The following AUTS2 variants were observed in gnomAD, a reference collection of about 807,000 sequenced individuals.
AUTS2 encodes autism susceptibility gene 2 protein.
A neutral mutation model predicts 112.4 loss-of-function variants in AUTS2; 17 were observed. The observed-to-expected ratio is 0.15, with a 90% CI of 0.10 to 0.23. The LOEUF (loss-of-function observed/expected upper bound fraction) is 0.23. Among genes scored for constraint, AUTS2 ranks in the 10% least tolerant of loss-of-function variants. The probability of loss-of-function intolerance (pLI) is 1.00; values close to 1 mark genes in which losing one functional copy is unlikely to be tolerated. For synonymous variants in AUTS2, 751 were observed against 702.7 expected (o/e 1.07, Z -1.09); for missense variants, 1,510 against 1,701.6 (o/e 0.89, Z 1.98).
intron 2 of AUTS2, among the ~76,000 whole-genome samples, chr7:69,943,605 TATTTTC>T (rs1796705277): frequency 1.3e-5 from 2 of 152,220 alleles, no homozygotes; most frequent in African/African-American, 4.8e-5. Context: ...ATCAGGGAGA[TATTTTC>T]AGTGAATTTG....
At position 70,790,821 on chromosome 7, in the gene AUTS2, G is replaced by A. The variant is rs1186794209; in HGVS notation, c.3605G>A (p.Gly1202Asp). The A allele has an allele frequency of 6.2e-7, 1 of 1,606,222 alleles. No homozygotes were observed. Among genetic ancestry groups the A allele is most frequent in the Non-Finnish European group, 8.5e-7 (1 of 1,175,158 alleles). The change falls in exon 19 of 19, where the codon GGC becomes GAC. Residue 1202 changes from glycine to aspartate, a missense_variant. Coordinates refer to ENST00000342771, the MANE Select transcript of AUTS2 (RefSeq NM_015570.4). This position sits in a 1 kb window ranked among gnomAD's most constrained non-coding sequence, Gnocchi z 7.6. ...TATCCCCGCATCAGCCCCACCGCGG[G>A]CAACCAGAACGGACTCCTCAACAAG... The part of the protein sequence containing the change: ...MHYPRISPTA[G>D]NQNGLLNKTP...
At chr7:69,954,659 T>C (rs1258234683) in intron 2 of AUTS2, among the ~76,000 whole-genome samples, 1 of 152,220 alleles carries the variant, frequency 6.6e-6, no homozygotes, top group East Asian at 1.9e-4. Flanking sequence ...TTTGTTATTT[T>C]TGGACAGCTT....
At chr7:70,677,074 T>A (rs1807952108) in intron 5 of AUTS2, among the ~76,000 whole-genome samples, 1 of 152,194 alleles carries the variant, frequency 6.6e-6, no homozygotes, top group African/African-American at 2.4e-5. Flanking sequence ...GCGATCCACC[T>A]GTCTTTTCTC....
chr7:70,772,033 G>A (rs1790381232), intron 11 of AUTS2, among the ~76,000 whole-genome samples: 1 of 152,176 alleles, frequency 6.6e-6, no homozygotes, highest in Non-Finnish European at 1.5e-5. Context: ...ACAAAGCTGG[G>A]TCCTTACTGA....
intron 4 of AUTS2, among the ~76,000 whole-genome samples, chr7:70,173,775 G>C (rs1027987067): frequency 4.0e-5 from 6 of 151,592 alleles, no homozygotes; most frequent in African/African-American, 1.5e-4. Flanking sequence ...TCTGTGATCA[G>C]TGATCTTTGA....
intron 2 of AUTS2, among the ~76,000 whole-genome samples, chr7:70,056,253 C>T (rs1440423418): frequency 6.6e-6 from 1 of 152,116 alleles, no homozygotes; most frequent in Non-Finnish European, 1.5e-5. Context: ...CCAAAGTGCT[C>T]AGGATACAGG....
chr7:70,681,705 T>TC (rs1281968564), intron 5 of AUTS2, among the ~76,000 whole-genome samples: 8 of 152,050 alleles, frequency 5.3e-5, no homozygotes, highest in Non-Finnish European at 1.2e-4. Flanking sequence ...GTTAAGTGAA[T>TC]CATGAAAGCA....
At chr7:70,009,430 G>A (rs768301521) in intron 2 of AUTS2, among the ~76,000 whole-genome samples, 2 of 152,174 alleles carry the variant, frequency 1.3e-5, no homozygotes, top group South Asian at 2.1e-4. Flanking sequence ...AACTATTTAC[G>A]TTGCAGCCCC....
chr7:69,959,711 CTCTT>C (rs1797356169), intron 2 of AUTS2, among the ~76,000 whole-genome samples: 1 of 152,088 alleles, frequency 6.6e-6, no homozygotes, highest in South Asian at 2.1e-4. Context: ...CTATTTCTCT[CTCTT>C]AAACCTCTTT....
At chr7:69,920,436 A>C (rs1795764709) in intron 2 of AUTS2, among the ~76,000 whole-genome samples, 1 of 151,844 alleles carries the variant, frequency 6.6e-6, no homozygotes, top group Admixed American at 6.6e-5. Context: ...ACAGGTATGC[A>C]CCACCATGCC....
intron 1 of AUTS2, among the ~76,000 whole-genome samples, chr7:69,822,530 C>A (rs1472211813): frequency 6.6e-6 from 1 of 152,036 alleles, no homozygotes; most frequent in Non-Finnish European, 1.5e-5. Context: ...TAGACTTTGG[C>A]GAATAGAATG....
chr7:70,643,572 AAAAAT>A (rs1256746428), intron 5 of AUTS2, among the ~76,000 whole-genome samples: 1 of 152,202 alleles, frequency 6.6e-6, no homozygotes, highest in Non-Finnish European at 1.5e-5. Flanking sequence ...TCCGTCTAAA[AAAAAT>A]AAAATAAAGT....
chr7:69,598,571 AGCG>A lies in AUTS2; in HGVS notation c.-1073_-1071del, dbSNP rs1361080540. On this transcript the variant is annotated 5_prime_UTR_variant, in exon 1 of 19. Coordinates refer to ENST00000342771, the MANE Select transcript of AUTS2 (RefSeq NM_015570.4). ...CGGCGGCGGCAGCAGCAGCAGCGTT[AGCG>A]GCGGCGGCGAGAGCAGCGTTCCCGG... The A allele has an allele frequency of 4.1e-5, 7 of 169,752 alleles. No individual in the cohort carries two copies. Among genetic ancestry groups the A allele is most frequent in the South Asian group, 3.2e-4 (3 of 9,496 alleles). The allele number at this position is 169,752 out of a possible 1,614,324, so 10.5% of individuals were successfully genotyped here.
At chr7:69,947,770 T>C (rs1796873630) in intron 2 of AUTS2, among the ~76,000 whole-genome samples, 1 of 152,174 alleles carries the variant, frequency 6.6e-6, no homozygotes, top group African/African-American at 2.4e-5. Flanking sequence ...ATAGCTTACA[T>C]GTATTGAGCA....
chr7:70,424,813 C>CT (rs896818553), intron 4 of AUTS2, among the ~76,000 whole-genome samples: 1 of 152,114 alleles, frequency 6.6e-6, no homozygotes, highest in Non-Finnish European at 1.5e-5. Flanking sequence ...TCTTGAACTT[C>CT]TGGGCTCAAG....
intron 5 of AUTS2, among the ~76,000 whole-genome samples, chr7:70,659,170 G>A (rs1806933749): frequency 6.6e-6 from 1 of 152,194 alleles, no homozygotes. Context: ...CATTACCAGT[G>A]GGAGGTAGGC....
chr7:70,143,706 T>C (rs1243542989), intron 4 of AUTS2, among the ~76,000 whole-genome samples: 1 of 152,168 alleles, frequency 6.6e-6, no homozygotes, highest in Non-Finnish European at 1.5e-5. Context: ...GATGTAGGGA[T>C]TGTGGCTGTT....
chr7:70,367,942 A>G (rs1792661839), intron 4 of AUTS2, among the ~76,000 whole-genome samples: 1 of 152,230 alleles, frequency 6.6e-6, no homozygotes, highest in African/African-American at 2.4e-5. Flanking sequence ...GAATGTGTGT[A>G]TTCAGTGTTT....
chr7:70,256,379 A>G (rs771595572), intron 4 of AUTS2, among the ~76,000 whole-genome samples: 3 of 152,216 alleles, frequency 2.0e-5, no homozygotes, highest in Non-Finnish European at 4.4e-5. Flanking sequence ...GGGTCATAAC[A>G]GGCAGCAATG....
Sources: gnomAD v4.1 joint callset for allele counts (sites outside exome capture counted in the v4.1 genomes callset) on GRCh38, gnomAD v4.1.1 for gene constraint, Gnocchi (gnomAD v3.1) non-coding constraint, MANE v1.5 for transcripts, NCBI Gene and HGNC (gene_info 2026-07-23, HGNC 2026-07-21) for gene names.